Variants in PPP4R2 observed in about 807,000 individuals in gnomAD.
PPP4R2 encodes the protein protein phosphatase 4 regulatory subunit 2.
A neutral mutation model predicts 47.2 loss-of-function variants in PPP4R2; 13 were observed. That is an observed-to-expected ratio of 0.28 (90% confidence interval 0.18 to 0.44). The LOEUF (loss-of-function observed/expected upper bound fraction) is 0.44, where lower values mean the gene tolerates loss of function less well. Among genes scored for constraint, PPP4R2 ranks in the 20% least tolerant of loss-of-function variants. The pLI, the probability that PPP4R2 is intolerant of heterozygous loss-of-function variation, is 1.00. For missense variants in PPP4R2, 421 were observed against 491.2 expected (o/e 0.86, Z 1.35); for synonymous variants, 151 against 163.3 (o/e 0.92, Z 0.57).
At chr3:73,008,673 T>C (rs551881883) in intron 2 of PPP4R2, among the ~76,000 whole-genome samples, 62 of 152,394 alleles carry the variant, frequency 4.1e-4, no homozygotes, top group Non-Finnish European at 7.5e-4. Flanking sequence ...TTTGTACCTT[T>C]AGTTGTTTCA....
intron 3 of PPP4R2, among the ~76,000 whole-genome samples, chr3:73,050,380 C>A (rs1008623743): frequency 7.2e-5 from 11 of 152,026 alleles, no homozygotes; most frequent in African/African-American, 2.7e-4. Context: ...TTTTAATTTA[C>A]TCTTTTTTTG....
At chr3:73,008,131 C>G (rs764990860) in intron 2 of PPP4R2, among the ~76,000 whole-genome samples, 2 of 134,338 alleles carry the variant, frequency 1.5e-5, no homozygotes, top group African/African-American at 2.8e-5. Context: ...ATAGTGGTTA[C>G]GTTTTCTGAG....
At chr3:73,063,444 C>CA (rs1270220487) in intron 5 of PPP4R2, 5 of 388,734 alleles carry the variant, frequency 1.3e-5, no homozygotes, top group Non-Finnish European at 2.4e-5. Flanking sequence ...GCCAACATGG[C>CA]AAAACCCCGT....
chr3:73,062,361 C>G, intron 5 of PPP4R2: 3 of 1,606,624 alleles, frequency 1.9e-6, no homozygotes, highest in Non-Finnish European at 2.5e-6. Context: ...ATTGGAACCC[C>G]AACCCAGCAT....
Position 73,065,713 on chromosome 3 carries a change from A to G in PPP4R2, c.1245A>G (p.Glu415=). ...CAGAAGTCACCGATGAACCAATGGAACAAGACTAACTATTTAGAAACATTT... is the reference window on the plus strand; with the variant it reads ...CAGAAGTCACCGATGAACCAATGGAGCAAGACTAACTATTTAGAAACATTT... ...EATEVTDEPM[E]QD is the part of the protein sequence containing the mutation. The change falls in exon 9 of 9, where the codon GAA becomes GAG. Residue 415 remains glutamate, a synonymous_variant. Transcript: ENST00000356692. 12 of 1,596,050 alleles carry G rather than the reference A, an allele frequency of 7.5e-6. No homozygotes were observed. Among genetic ancestry groups the G allele is most frequent in the East Asian group, 4.5e-5 (2 of 44,432 alleles).
intron 2 of PPP4R2, among the ~76,000 whole-genome samples, chr3:73,034,929 G>A (rs1436424883): frequency 1.3e-5 from 2 of 151,732 alleles, no homozygotes; most frequent in South Asian, 2.1e-4. Flanking sequence ...GGGAACGAAA[G>A]CAAAAACAGA....
intron 2 of PPP4R2, 65 bp downstream of exon 2, chr3:72,998,223 G>A: frequency 1.0e-6 from 1 of 989,310 alleles, no homozygotes; most frequent in East Asian, 2.6e-5. Flanking sequence ...TCAGGAAAGG[G>A]AAAAAAGTAT....
Position 73,025,420 on chromosome 3 carries a change from A to C in PPP4R2, c.117-21766A>C, listed in dbSNP as rs578238105. Among the ~76,000 whole-genome samples the C allele has an allele frequency of 7.2e-4, 110 of 152,258 alleles. 1 individual carries two copies. Among genetic ancestry groups the C allele is most frequent in the African/African-American group, 2.5e-3 (105 of 41,544 alleles). On this transcript the variant is annotated intron_variant, in intron 2 of 8. Coordinates refer to ENST00000356692, the MANE Select transcript of PPP4R2 (RefSeq NM_174907.4). ...AGATCTTTGAATTGTTGAAATGCTT[A>C]TATTTCTTGATACTGTAGCTTCTGT...
intron 2 of PPP4R2, among the ~76,000 whole-genome samples, chr3:73,039,791 G>A (rs554656877): frequency 2.8e-4 from 43 of 152,278 alleles, no homozygotes; most frequent in Admixed American, 2.0e-3. Flanking sequence ...GGTGGCTCAC[G>A]TCTGTAATCC....
intron 2 of PPP4R2, among the ~76,000 whole-genome samples, chr3:73,034,399 A>G (rs969553734): frequency 2.4e-4 from 36 of 152,202 alleles, no homozygotes; most frequent in African/African-American, 8.2e-4. Flanking sequence ...TACTCAGGCT[A>G]TGGAGATTCC....
intron 3 of PPP4R2, among the ~76,000 whole-genome samples, chr3:73,053,813 G>A (rs1386210579): frequency 6.7e-6 from 1 of 150,322 alleles, no homozygotes; most frequent in African/African-American, 2.5e-5. Context: ...GGAGGCTGAG[G>A]CAAGAGAATT....
intron 1 of PPP4R2, chr3:72,997,440 A>G (rs1575830686): frequency 1.4e-5 from 3 of 216,292 alleles, no homozygotes; most frequent in Middle Eastern, 4.6e-4. Context: ...GTGGGAGAAA[A>G]AGTAAACGGT....
At chr3:73,004,024 T>C (rs1029075845) in intron 2 of PPP4R2, among the ~76,000 whole-genome samples, 2 of 151,302 alleles carry the variant, frequency 1.3e-5, no homozygotes, top group Non-Finnish European at 2.9e-5. Context: ...TTAGTAGAGA[T>C]GGGGTTTCAT....
Position 73,015,648 on chromosome 3 carries a change from T to G in PPP4R2, c.116+17490T>G, listed in dbSNP as rs1393224476. On this transcript the variant is annotated intron_variant, in intron 2 of 8. Transcript: ENST00000356692. ...GTGCCACCATGCCCAGCTTTTTTTT[T>G]TTTTTTTGAGACGGAGTTTCGCTGT... is the stretch of plus-strand genomic sequence containing the variant. Among the ~76,000 whole-genome samples, 17 of 151,556 alleles carry G rather than the reference T, an allele frequency of 1.1e-4. No individual in the cohort carries two copies. The South Asian group carries it at 1.3e-3, about 11-fold the overall frequency.
intron 3 of PPP4R2, among the ~76,000 whole-genome samples, chr3:73,049,939 G>GT (rs1262105758): frequency 1.3e-5 from 2 of 151,728 alleles, no homozygotes; most frequent in Non-Finnish European, 2.9e-5. Flanking sequence ...ATTTTGTTTT[G>GT]TTTTGTTTTA....
At chr3:73,031,365 C>T (rs937605251) in intron 2 of PPP4R2, among the ~76,000 whole-genome samples, 1 of 151,994 alleles carries the variant, frequency 6.6e-6, no homozygotes, top group Admixed American at 6.6e-5. Flanking sequence ...CATGGTGAAA[C>T]CCTGTCTCTG....
intron 3 of PPP4R2, among the ~76,000 whole-genome samples, 162 bp from the exon 4 acceptor site, chr3:73,058,875 C>A (rs1386637045): frequency 8.5e-6 from 1 of 117,096 alleles, no homozygotes; most frequent in Non-Finnish European, 1.7e-5. Context: ...ATTTTATTGT[C>A]TTTTTTTAAA....
At chr3:73,030,146 C>T (rs1475793316) in intron 2 of PPP4R2, among the ~76,000 whole-genome samples, 1 of 152,104 alleles carries the variant, frequency 6.6e-6, no homozygotes, top group Non-Finnish European at 1.5e-5. Context: ...TATTTGTATG[C>T]TGGTGGGAAT....
chr3:73,047,171 A>AT lies in PPP4R2; in HGVS notation c.117-9dup, dbSNP rs755022368. Reference sequence around the variant, plus strand: ...GCTACATGGTATTATATATTTTTTAATTTTTTGCTTATAGGATTCAGTGGT... The same window carrying AT: ...GCTACATGGTATTATATATTTTTTAATTTTTTTGCTTATAGGATTCAGTGGT... On this transcript the variant is annotated splice_polypyrimidine_tract_variant and intron_variant, in intron 2 of 8. Transcript: ENST00000356692. 150 of 1,471,258 alleles carry AT rather than the reference A, an allele frequency of 1.0e-4. No individual in the cohort carries two copies. The highest frequency in any genetic ancestry group is 1.3e-4 in the Non-Finnish European group (144 of 1,091,118). 91.1% of individuals were successfully genotyped at this position (1,471,258 alleles called of 1,614,324 possible).
Sources: gnomAD v4.1 joint callset for allele counts (sites outside exome capture counted in the v4.1 genomes callset) on GRCh38, gnomAD v4.1.1 for gene constraint, MANE v1.5 for transcripts, NCBI Gene and HGNC (gene_info 2026-07-23, HGNC 2026-07-21) for gene names.